Variants in ZNF678 observed in about 807,000 individuals in gnomAD.
The protein encoded by ZNF678 is zinc finger protein 678, also known as hypothetical protein MGC42493.
ZNF678 carries 5 observed loss-of-function variants against 3.0 expected under a neutral mutation model. That is an observed-to-expected ratio of 1.69 (90% CI 0.88 to 3.56). The LOEUF is 3.56. ZNF678 is among the 30% of genes most tolerant of loss of function. ZNF678 has a pLI of 0.00. For missense variants in ZNF678, 593 were observed against 605.0 expected, an observed-to-expected ratio of 0.98 and a Z score of 0.21; for synonymous variants, 218 against 199.6, an observed-to-expected ratio of 1.09 and a Z score of -0.78.
chr1:227,565,156 C>T (rs899788314), intron 1 of ZNF678, among the ~76,000 whole-genome samples: 3 of 149,488 alleles, frequency 2.0e-5, no homozygotes, highest in Non-Finnish European at 3.0e-5. Flanking sequence ...GCCTCCGCCT[C>T]CTGGGTTCAA....
rs41305735 is a variant in ZNF678 at position 227,657,876 on chromosome 1, C to G, written c.*2048C>G. On this transcript the variant is annotated 3_prime_UTR_variant, in exon 4 of 4. Coordinates refer to ENST00000343776, the MANE Select transcript of ZNF678 (RefSeq NM_001367909.1). Reference sequence around the variant, plus strand: ...TATTCTCTGCTTTGTATTGAATTTACTTCTGTAAAATCTTATGGCTGCTGG... The same window carrying G: ...TATTCTCTGCTTTGTATTGAATTTAGTTCTGTAAAATCTTATGGCTGCTGG... The G allele has an allele frequency of 6.6e-6, 1 of 152,094 alleles. No individual in the cohort carries two copies. Among genetic ancestry groups the G allele is most frequent in the Non-Finnish European group, 1.5e-5 (1 of 67,890 alleles). The allele number at this position is 152,094 out of a possible 1,614,324, so 9.4% of individuals were successfully genotyped here. A position where few individuals can be genotyped will look rare whatever the true frequency, so the allele number is the denominator to read the frequency against.
chr1:227,646,568 G>A lies in ZNF678; in HGVS notation c.-139G>A, dbSNP rs748031366. 3.6e-6 allele frequency: 5 copies of A among 1,371,644 alleles called. No individual in the cohort carries two copies. In the African/African-American group the frequency reaches 5.9e-5, roughly 16 times the overall value. The allele number at this position is 1,371,644 out of a possible 1,614,324, so 85.0% of individuals were successfully genotyped here. A position where few individuals can be genotyped will look rare whatever the true frequency, so the allele number is the denominator to read the frequency against. On this transcript the variant is annotated 5_prime_UTR_variant, in exon 2 of 4. The change creates a premature stop within an existing upstream ORF in the 5' untranslated region. Coordinates refer to ENST00000343776, the MANE Select transcript of ZNF678 (RefSeq NM_001367909.1). The stretch of plus-strand genomic sequence containing the variant: ...GGGACTACTGGCATTCAGTGATGTG[G>A]TCATAGAATTCTCTCCAGAGGAGTG...
At chr1:227,665,105 A>C (rs796841024), downstream of ZNF678, among the ~76,000 whole-genome samples, 9 of 152,318 alleles carry the variant, frequency 5.9e-5, no homozygotes, top group African/African-American at 2.2e-4. Context: ...AATGAGACAA[A>C]ACTCATGGCA....
At chr1:227,588,544 G>A (rs1327728279) in intron 1 of ZNF678, among the ~76,000 whole-genome samples, 1 of 136,110 alleles carries the variant, frequency 7.3e-6, no homozygotes, top group Admixed American at 8.2e-5. Flanking sequence ...TCTGTCACCA[G>A]GCTGGAATAT....
chr1:227,582,552 C>T, intron 1 of ZNF678: 1 of 213,216 alleles, frequency 4.7e-6, no homozygotes, highest in South Asian at 4.9e-5. Context: ...TGGTCTTGAA[C>T]TCCTTCCCTC....
At chr1:227,598,028 T>C (rs755484993) in intron 1 of ZNF678, among the ~76,000 whole-genome samples, 6 of 152,208 alleles carry the variant, frequency 3.9e-5, no homozygotes, top group Non-Finnish European at 8.8e-5. Context: ...TTTTGAAATA[T>C]TAATGTAATC....
rs1287693145 is a variant in ZNF678 at position 227,661,309 on chromosome 1, TTG to T, written c.*5483_*5484del. Reference sequence around the variant, plus strand: ...TTGTTTTGTTTTGTTTTTGTTGTTGTTGTTGTTGTTGTTTACCAGCAGGGGAC... The same window carrying T: ...TTGTTTTGTTTTGTTTTTGTTGTTGTTTGTTGTTGTTTACCAGCAGGGGAC... On this transcript the variant is annotated 3_prime_UTR_variant, in exon 4 of 4. Coordinates refer to ENST00000343776, the MANE Select transcript of ZNF678 (RefSeq NM_001367909.1). The T allele has an allele frequency of 4.6e-5, 7 of 152,046 alleles. No homozygotes were observed. The highest frequency in any genetic ancestry group is 1.4e-4 in the African/African-American group (6 of 41,392). The allele number at this position is 152,046 out of a possible 1,614,324, so 9.4% of individuals were successfully genotyped here. A position where few individuals can be genotyped will look rare whatever the true frequency, so the allele number is the denominator to read the frequency against.
intron 1 of ZNF678, among the ~76,000 whole-genome samples, chr1:227,591,354 GACAGGATTTTTTT>G (rs1045840383): frequency 1.3e-5 from 2 of 152,166 alleles, no homozygotes; most frequent in African/African-American, 4.8e-5. Context: ...GCTGAAGGTA[GACAGGATTTTTTT>G]CATTTTTTTA....
downstream of ZNF678, chr1:227,662,599 G>A (rs368900122): frequency 4.6e-5 from 7 of 152,240 alleles, no homozygotes; most frequent in East Asian, 1.2e-3. Context: ...CCCCAAATAA[G>A]TATTAAATGA....
chr1:227,663,505 G>T (rs148511863), downstream of ZNF678, among the ~76,000 whole-genome samples: 89 of 152,142 alleles, frequency 5.8e-4, no homozygotes, highest in African/African-American at 1.8e-3. Context: ...AACCTTTTTG[G>T]GTTAACCCCC....
chr1:227,593,609 T>G (rs1657477492), intron 1 of ZNF678, among the ~76,000 whole-genome samples: 2 of 152,306 alleles, frequency 1.3e-5, no homozygotes, highest in South Asian at 4.1e-4. Flanking sequence ...AGTAGAAAGC[T>G]GTCTTTGACT....
intron 1 of ZNF678, among the ~76,000 whole-genome samples, chr1:227,616,813 G>A (rs951955016): frequency 6.6e-6 from 1 of 152,176 alleles, no homozygotes; most frequent in Non-Finnish European, 1.5e-5. Context: ...CTCTTCCTCT[G>A]AGAGCTGATT....
intron 1 of ZNF678, among the ~76,000 whole-genome samples, chr1:227,573,695 AGGGG>A (rs1558128852): frequency 1.0e-5 from 1 of 95,480 alleles, no homozygotes; most frequent in African/African-American, 5.3e-5. Context: ...TTTTAAGTTC[AGGGG>A]TACATGTGCA....
intron 1 of ZNF678, among the ~76,000 whole-genome samples, chr1:227,614,278 C>A (rs1398393490): frequency 6.6e-6 from 1 of 152,224 alleles, no homozygotes; most frequent in South Asian, 2.1e-4. Flanking sequence ...GTTGCTTCCA[C>A]TGCTTTATTG....
At chr1:227,595,682 T>C (rs1181383538) in intron 1 of ZNF678, among the ~76,000 whole-genome samples, 2 of 152,152 alleles carry the variant, frequency 1.3e-5, no homozygotes, top group Non-Finnish European at 2.9e-5. Flanking sequence ...ACACACACTT[T>C]TGCAGTTTAC....
At position 227,661,805 on chromosome 1, in the gene ZNF678, ATGG is replaced by A. The variant is rs1246955221; in HGVS notation, c.*5980_*5982del. The A allele has an allele frequency of 6.6e-6, 1 of 152,246 alleles. No individual in the cohort carries two copies. The highest frequency in any genetic ancestry group is 1.9e-4 in the East Asian group (1 of 5,192). 9.4% of individuals were successfully genotyped at this position (152,246 alleles called of 1,614,324 possible). A position where few individuals can be genotyped will look rare whatever the true frequency, so the allele number is the denominator to read the frequency against. On this transcript the variant is annotated 3_prime_UTR_variant, in exon 4 of 4. Coordinates refer to ENST00000343776, the MANE Select transcript of ZNF678 (RefSeq NM_001367909.1). ...AAGTCCTGGTTAGGAGCCTAGGAAA[ATGG>A]TGAAGGAAAAGATGGTCCCAGCCTG...
intron 1 of ZNF678, among the ~76,000 whole-genome samples, chr1:227,612,001 T>C (rs2102760993): frequency 6.6e-6 from 1 of 152,268 alleles, no homozygotes; most frequent in East Asian, 1.9e-4. Context: ...TTTCTGTCCC[T>C]CCAGCATGCC....
intron 1 of ZNF678, among the ~76,000 whole-genome samples, chr1:227,639,639 C>T (rs1658768739): frequency 6.6e-6 from 1 of 152,118 alleles, no homozygotes; most frequent in East Asian, 1.9e-4. Context: ...TGCAAGGAGA[C>T]ACACAATCAT....
rs75114799 is a variant in ZNF678, at chr1:227,593,855, TC to T, written c.-164+30143del. 9.5e-3 allele frequency among the ~76,000 whole-genome samples: 605 copies of T among 63,776 alleles called. 4 individuals are homozygous for T. Among genetic ancestry groups the T allele is most frequent in the South Asian group, 0.016 (27 of 1,666 alleles). The allele number at this position is 63,776 out of a possible 152,430, so 41.8% of individuals were successfully genotyped here. A position where few individuals can be genotyped will look rare whatever the true frequency, so the allele number is the denominator to read the frequency against. The stretch of plus-strand genomic sequence containing the variant: ...TCTTGACTCTGGTGTTATGAGTCCA[TC>T]CCCCCCCCCCCTTTTTTTTTTTTTT... On this transcript the variant is annotated intron_variant, in intron 1 of 3. Coordinates refer to ENST00000343776, the MANE Select transcript of ZNF678 (RefSeq NM_001367909.1).
Sources: gnomAD v4.1 joint callset for allele counts (sites outside exome capture counted in the v4.1 genomes callset) on GRCh38, gnomAD v4.1.1 for gene constraint, MANE v1.5 for transcripts, NCBI Gene and HGNC (gene_info 2026-07-23, HGNC 2026-07-21) for gene names.